PTPRN2: variants seen among roughly 807,000 people sequenced by gnomAD.
The protein encoded by PTPRN2 is receptor-type tyrosine-protein phosphatase N2.
PTPRN2 carries 74 observed loss-of-function variants against 118.8 expected under a neutral mutation model. That is an observed-to-expected ratio of 0.62 (90% CI 0.52 to 0.76). The LOEUF is 0.76. Among genes scored for constraint, PTPRN2 ranks in the 30% least tolerant of loss-of-function variants. The pLI is 0.00. For synonymous variants in PTPRN2, 641 were observed against 608.0 expected, an observed-to-expected ratio of 1.05 and a Z score of -0.80; for missense variants, 1,481 against 1,394.4, an observed-to-expected ratio of 1.06 and a Z score of -0.99.
intron 3 of PTPRN2, among the ~76,000 whole-genome samples, chr7:158,245,858 A>ATTCACACACAG (rs1796212773): frequency 3.3e-5 from 5 of 152,064 alleles, no homozygotes; most frequent in Admixed American, 3.3e-4. Context: ...GGTTATCCCT[A>ATTCACACACAG]TGCTGACTCA....
chr7:158,441,809 GTGGTGATGGTGATAGTGATGGTCA>G (rs1817302700), intron 2 of PTPRN2, among the ~76,000 whole-genome samples: 2 of 90,806 alleles, frequency 2.2e-5, no homozygotes, highest in Non-Finnish European at 2.3e-5. Flanking sequence ...CATGGCAGTG[GTGGTGATGGTGATAGTGATGGTCA>G]TGGCAGTGGT....
chr7:158,361,464 C>A (rs1473086618), intron 2 of PTPRN2, among the ~76,000 whole-genome samples: 3 of 152,234 alleles, frequency 2.0e-5, no homozygotes, highest in African/African-American at 7.2e-5. Flanking sequence ...GAGAAGGACG[C>A]TGTGAAAACC....
rs865780019 is a variant in PTPRN2, at chr7:158,193,914, A to G, written c.381-1419T>C. Reference sequence around the variant, plus strand: ...CAGCAAGGCTCTGTCTCAAAAAAAAAAAAAAAAAAAAGGAATATAATGTGA... The same window carrying G: ...CAGCAAGGCTCTGTCTCAAAAAAAAGAAAAAAAAAAAGGAATATAATGTGA... On this transcript the variant is annotated intron_variant, in intron 4 of 22. Transcript: ENST00000389418. 7.9e-3 allele frequency among the ~76,000 whole-genome samples: 1,207 copies of G among 151,874 alleles called. 19 individuals are homozygous for G. Among genetic ancestry groups the G allele is most frequent in the African/African-American group, 0.028 (1,139 of 41,416 alleles).
chr7:157,753,651 C>T (rs957318215), intron 12 of PTPRN2, among the ~76,000 whole-genome samples: 1 of 146,320 alleles, frequency 6.8e-6, no homozygotes, highest in Non-Finnish European at 1.5e-5. Context: ...TGCCTTAACG[C>T]CTCCCCTCCG....
intron 2 of PTPRN2, among the ~76,000 whole-genome samples, chr7:158,488,883 G>A (rs1279063039): frequency 6.6e-6 from 1 of 152,316 alleles, no homozygotes; most frequent in Admixed American, 6.5e-5. Flanking sequence ...TCCGCCCAGC[G>A]CTTTTCTGAG....
chr7:157,576,250 C>T (rs1410526450), intron 19 of PTPRN2, among the ~76,000 whole-genome samples: 1 of 152,226 alleles, frequency 6.6e-6, no homozygotes, highest in African/African-American at 2.4e-5. Context: ...CCTCTTTCAT[C>T]CCATGCAGCC....
At chr7:158,098,998 TTCCTCCCCCAACACATCCCGGCTGCCTC>T (rs1490973770) in intron 10 of PTPRN2, among the ~76,000 whole-genome samples, 949 of 28,822 alleles carry the variant, frequency 0.033, 28 homozygotes, top group African/African-American at 0.084. Flanking sequence ...CTGCCTCCCC[TTCCTCCCCCAACACATCCCGGCTGCCTC>T]CCCTTCCTCC....
chr7:157,943,225 G>A (rs573429141), intron 11 of PTPRN2, among the ~76,000 whole-genome samples: 6 of 152,294 alleles, frequency 3.9e-5, no homozygotes, highest in African/African-American at 9.6e-5. Context: ...CTGGGGAAGC[G>A]ATGCAGAATC....
At chr7:158,341,632 T>TGACACCTGC in intron 2 of PTPRN2, among the ~76,000 whole-genome samples, 1 of 39,272 alleles carries the variant, frequency 2.5e-5, no homozygotes, top group African/African-American at 1.2e-4. Flanking sequence ...CCATAAGAGG[T>TGACACCTGC]AACACATGCA....
chr7:157,888,597 A>G (rs1796621463), intron 12 of PTPRN2, among the ~76,000 whole-genome samples: 2 of 135,818 alleles, frequency 1.5e-5, no homozygotes, highest in Non-Finnish European at 3.0e-5. Flanking sequence ...CCCCAAACAC[A>G]GGCCCTCATC....
rs1372211995 is a variant in PTPRN2, at chr7:157,977,136, C to T, written c.1724-78399G>A. Among the ~76,000 whole-genome samples, 1 of 151,950 alleles carries T rather than the reference C, an allele frequency of 6.6e-6. No homozygotes were observed. Among genetic ancestry groups the T allele is most frequent in the Non-Finnish European group, 1.5e-5 (1 of 67,974 alleles). ...GTCCATGAATCTAATAATTAGTTAA[C>T]TGATTAACGAAATGCATATTCATTA... is the stretch of plus-strand genomic sequence containing the variant. On this transcript the variant is annotated intron_variant, in intron 11 of 22. Transcript: ENST00000389418. The surrounding 1 kb of genome is among the most constrained non-coding windows in gnomAD (Gnocchi z 4.6).
At position 157,893,203 on chromosome 7, in the gene PTPRN2, T is replaced by TC. The variant is rs952085673; in HGVS notation, c.1788+5469dup. Among the ~76,000 whole-genome samples the TC allele has an allele frequency of 2.3e-4, 35 of 152,132 alleles. 1 individual carries two copies. Among genetic ancestry groups the TC allele is most frequent in the African/African-American group, 8.4e-4 (35 of 41,430 alleles). On this transcript the variant is annotated intron_variant, in intron 12 of 22. Coordinates refer to ENST00000389418, the MANE Select transcript of PTPRN2 (RefSeq NM_002847.5). The surrounding 1 kb of genome is among the most constrained non-coding windows in gnomAD (Gnocchi z 4.0). ...CGTAACCAGTGGGTGAAATAAACACTCTAGCGTTTGGTAATTTTCTGTCCC... is the reference window on the plus strand; with the variant it reads ...CGTAACCAGTGGGTGAAATAAACACTCCTAGCGTTTGGTAATTTTCTGTCCC...
In PTPRN2 at chr7:157,929,618, C is replaced by T. The variant is rs537120414; in HGVS notation, c.1724-30881G>A. ...CTTTCAGGGTCCAGGCAGTCTTCCC[C>T]CTCATTAAATCAAATTTATTCCCAA... is the stretch of plus-strand genomic sequence containing the variant. On this transcript the variant is annotated intron_variant, in intron 11 of 22. Coordinates refer to ENST00000389418, the MANE Select transcript of PTPRN2 (RefSeq NM_002847.5). This position sits in a 1 kb window ranked among gnomAD's most constrained non-coding sequence, Gnocchi z 4.4. Among the ~76,000 whole-genome samples, 10 of 152,182 alleles carry T rather than the reference C, an allele frequency of 6.6e-5. No homozygotes were observed. In the East Asian group the frequency reaches 1.9e-3, roughly 29 times the overall value.
intron 3 of PTPRN2, among the ~76,000 whole-genome samples, chr7:158,257,308 T>C (rs893125314): frequency 1.4e-4 from 21 of 149,110 alleles, no homozygotes; most frequent in African/African-American, 5.3e-4. Context: ...GGTAGGATCC[T>C]TCCTTTAAAT....
intron 5 of PTPRN2, among the ~76,000 whole-genome samples, chr7:158,172,833 TC>T: frequency 7.1e-6 from 1 of 140,458 alleles, no homozygotes; most frequent in South Asian, 2.3e-4. Context: ...CACAGCAGCA[TC>T]CCCACCATCA....
chr7:157,730,192 C>T (rs1368420488), intron 12 of PTPRN2, among the ~76,000 whole-genome samples: 1 of 152,024 alleles, frequency 6.6e-6, no homozygotes, highest in African/African-American at 2.4e-5. Flanking sequence ...ACCCCTGCCC[C>T]CCCCCGGGCA....
intron 12 of PTPRN2, among the ~76,000 whole-genome samples, chr7:157,852,990 A>T (rs1295809971): frequency 6.6e-6 from 1 of 151,858 alleles, no homozygotes; most frequent in African/African-American, 2.4e-5. Flanking sequence ...AAAAGTGTTG[A>T]TTTTGGAATG....
chr7:158,077,190 G>C (rs1458764311), intron 11 of PTPRN2, among the ~76,000 whole-genome samples: 1 of 152,188 alleles, frequency 6.6e-6, no homozygotes, highest in Non-Finnish European at 1.5e-5. Flanking sequence ...GGATTCAAGA[G>C]AGGCTCACAA....
At chr7:158,474,403 A>C (rs1485671313) in intron 2 of PTPRN2, among the ~76,000 whole-genome samples, 1 of 152,260 alleles carries the variant, frequency 6.6e-6, no homozygotes, top group African/African-American at 2.4e-5. Context: ...AATGAGTTTC[A>C]TCTACTAAAC....
Sources: allele counts gnomAD v4.1 joint callset (sites outside exome capture counted in the v4.1 genomes callset), GRCh38; gene constraint gnomAD v4.1.1; non-coding constraint Gnocchi (gnomAD v3.1); transcripts MANE v1.5; gene names NCBI Gene and HGNC (gene_info 2026-07-23, HGNC 2026-07-21).